The following PLXDC2 variants were observed in gnomAD, a reference collection of about 807,000 sequenced individuals.
PLXDC2 encodes the protein plexin domain-containing protein 2.
PLXDC2 carries 40 observed loss-of-function variants against 68.9 expected under a neutral mutation model. That is an observed-to-expected ratio of 0.58 (90% CI 0.45 to 0.76). The LOEUF (loss-of-function observed/expected upper bound fraction) is 0.76, where lower values mean the gene tolerates loss of function less well. Among genes scored for constraint, PLXDC2 ranks in the 30% least tolerant of loss-of-function variants. The pLI, the probability that PLXDC2 is intolerant of heterozygous loss-of-function variation, is 0.00. For synonymous variants in PLXDC2, 243 were observed against 234.2 expected (o/e 1.04, Z -0.34); for missense variants, 644 against 661.9 (o/e 0.97, Z 0.30).
At chr10:19,936,980 A>T (rs1342462521) in intron 1 of PLXDC2, among the ~76,000 whole-genome samples, 1 of 152,176 alleles carries the variant, frequency 6.6e-6, no homozygotes, top group East Asian at 1.9e-4. Context: ...TCATCTCAGC[A>T]CTTTTTATCT....
At chr10:20,226,234 A>G (rs1835285655) in intron 12 of PLXDC2, among the ~76,000 whole-genome samples, 2 of 152,218 alleles carry the variant, frequency 1.3e-5, no homozygotes, top group East Asian at 1.9e-4. Flanking sequence ...CAAAAGCATT[A>G]TATCCATTAT....
chr10:20,147,758 T>G, intron 5 of PLXDC2, 26 bp from the exon 6 acceptor site: 1 of 1,391,492 alleles, frequency 7.2e-7, no homozygotes, highest in Non-Finnish European at 1.0e-6. Context: ...CTCATTGCAT[T>G]TCTTCTTTTT....
At chr10:19,863,465 A>G (rs1407413666) in intron 1 of PLXDC2, among the ~76,000 whole-genome samples, 1 of 152,204 alleles carries the variant, frequency 6.6e-6, no homozygotes, top group African/African-American at 2.4e-5. Context: ...GAGATATTGT[A>G]TATTAGACAG....
intron 13 of PLXDC2, among the ~76,000 whole-genome samples, chr10:20,259,351 T>C (rs913607304): frequency 1.3e-5 from 2 of 152,206 alleles, no homozygotes; most frequent in African/African-American, 4.8e-5. Flanking sequence ...CCTTGTCCCT[T>C]AAATGTCAAA....
intron 1 of PLXDC2, among the ~76,000 whole-genome samples, chr10:19,872,325 A>G (rs182685065): frequency 5.2e-4 from 79 of 152,326 alleles, no homozygotes; most frequent in African/African-American, 1.7e-3. Context: ...AGTCAAGGAA[A>G]TCTCACTCAC....
intron 2 of PLXDC2, among the ~76,000 whole-genome samples, chr10:20,018,081 C>T (rs961727127): frequency 1.3e-5 from 2 of 152,202 alleles, no homozygotes; most frequent in African/African-American, 4.8e-5. Flanking sequence ...GCTATTCATT[C>T]ATTATTTCTT....
intron 13 of PLXDC2, among the ~76,000 whole-genome samples, chr10:20,247,424 C>G (rs1346596855): frequency 6.6e-6 from 1 of 151,872 alleles, no homozygotes; most frequent in African/African-American, 2.4e-5. Context: ...CTGCAGGGAA[C>G]AGTGACTGTG....
intron 1 of PLXDC2, among the ~76,000 whole-genome samples, chr10:19,886,516 G>C (rs536801861): frequency 6.6e-6 from 1 of 152,054 alleles, no homozygotes; most frequent in African/African-American, 2.4e-5. Flanking sequence ...CAGAACCAAA[G>C]ACAAAAACCA....
chr10:19,939,925 GTTTA>G (rs1833789495), intron 1 of PLXDC2, among the ~76,000 whole-genome samples: 1 of 151,836 alleles, frequency 6.6e-6, no homozygotes, highest in East Asian at 1.9e-4. Context: ...TCTGAAAGTT[GTTTA>G]TATTTGGAGT....
At chr10:20,164,354 A>G (rs1834344538) in intron 6 of PLXDC2, 114 bp from the exon 7 acceptor site, 1 of 837,216 alleles carries the variant, frequency 1.2e-6, no homozygotes, top group Non-Finnish European at 1.9e-6. Flanking sequence ...CTCCCTTTCT[A>G]GTCTTTTATC....
intron 1 of PLXDC2, among the ~76,000 whole-genome samples, chr10:19,823,668 C>T (rs954979004): frequency 6.7e-6 from 1 of 148,158 alleles, no homozygotes; most frequent in African/African-American, 2.5e-5. Context: ...AAGACTTCAT[C>T]TCAAAAAAAA....
chr10:19,943,474 G>A (rs1001896915), intron 1 of PLXDC2, among the ~76,000 whole-genome samples: 4 of 152,172 alleles, frequency 2.6e-5, no homozygotes, highest in Non-Finnish European at 2.9e-5. Flanking sequence ...TAATTGAGAA[G>A]ACATTATGTA....
At chr10:19,937,291 C>T (rs1833740866) in intron 1 of PLXDC2, among the ~76,000 whole-genome samples, 1 of 152,002 alleles carries the variant, frequency 6.6e-6, no homozygotes, top group Admixed American at 6.6e-5. Context: ...TCTTTGTGAT[C>T]ATTTCCAGAC....
At chr10:20,091,099 C>T (rs1400476204) in intron 4 of PLXDC2, among the ~76,000 whole-genome samples, 2 of 152,134 alleles carry the variant, frequency 1.3e-5, no homozygotes, top group South Asian at 2.1e-4. Context: ...GTGATATGTT[C>T]AGCCTAGAAC....
intron 4 of PLXDC2, among the ~76,000 whole-genome samples, chr10:20,086,611 C>T (rs887315606): frequency 1.3e-5 from 2 of 152,070 alleles, no homozygotes; most frequent in African/African-American, 2.4e-5. Context: ...GAATTTGGGA[C>T]GGCCTCTTCA....
chr10:20,205,177 ATTGC>A (rs1386602162), intron 9 of PLXDC2, among the ~76,000 whole-genome samples: 2 of 152,066 alleles, frequency 1.3e-5, no homozygotes, highest in African/African-American at 4.8e-5. Context: ...CTGGGAGAAC[ATTGC>A]TTGTTTTCTA....
At chr10:20,241,615 G>A (rs1588538128) in intron 12 of PLXDC2, among the ~76,000 whole-genome samples, 1 of 151,630 alleles carries the variant, frequency 6.6e-6, no homozygotes, top group South Asian at 2.1e-4. Flanking sequence ...GTGAGAATCT[G>A]CCTCTACAAA....
chr10:20,183,024 C>A (rs1455074300), intron 9 of PLXDC2, among the ~76,000 whole-genome samples: 4 of 151,946 alleles, frequency 2.6e-5, no homozygotes, highest in African/African-American at 9.7e-5. Flanking sequence ...AAGGATATTT[C>A]TTAGATTTCT....
intron 4 of PLXDC2, among the ~76,000 whole-genome samples, chr10:20,122,409 T>C (rs1212737433): frequency 3.3e-5 from 5 of 152,288 alleles, no homozygotes; most frequent in Admixed American, 2.0e-4. Flanking sequence ...TTCGAGGCGA[T>C]TGGGCAGCAT....
Sources: gnomAD v4.1 joint callset for allele counts (sites outside exome capture counted in the v4.1 genomes callset) on GRCh38, gnomAD v4.1.1 for gene constraint, MANE v1.5 for transcripts, NCBI Gene and HGNC (gene_info 2026-07-23, HGNC 2026-07-21) for gene names.